MAGI1: variants seen among roughly 807,000 people sequenced by gnomAD.
MAGI1 encodes membrane-associated guanylate kinase, WW and PDZ domain-containing protein 1.
MAGI1 carries 58 observed loss-of-function variants against 139.9 expected under a neutral mutation model. That is an observed-to-expected ratio of 0.41 (90% CI 0.34 to 0.52). The LOEUF (loss-of-function observed/expected upper bound fraction) is 0.52. Among genes scored for constraint, MAGI1 ranks in the 20% least tolerant of loss-of-function variants. The pLI, the probability that MAGI1 is intolerant of heterozygous loss-of-function variation, is 0.12. For synonymous variants in MAGI1, 812 were observed against 737.9 expected (o/e 1.10, Z -1.63); for missense variants, 1,874 against 1,901.6 (o/e 0.99, Z 0.27).
chr3:65,737,346 C>T (rs957507455), intron 1 of MAGI1, among the ~76,000 whole-genome samples: 18 of 152,098 alleles, frequency 1.2e-4, no homozygotes, highest in East Asian at 3.9e-4. Context: ...GACAGATGGA[C>T]GGACGGGTGG....
chr3:65,672,596 G>T (rs1163396487), intron 1 of MAGI1, among the ~76,000 whole-genome samples: 47 of 152,220 alleles, frequency 3.1e-4, no homozygotes, highest in Non-Finnish European at 1.3e-4. Flanking sequence ...ATCCTTAAAA[G>T]GATACTGAAT....
rs977046307 is a variant in MAGI1 at position 65,354,880 on chromosome 3, TTTC to T, written c.*1495_*1497del. 2.0e-5 allele frequency: 3 copies of T among 152,370 alleles called. No individual in the cohort carries two copies. The highest frequency in any genetic ancestry group is 1.3e-4 in the Admixed American group (2 of 15,274). The allele number at this position is 152,370 out of a possible 1,614,324, so 9.4% of individuals were successfully genotyped here. A position where few individuals can be genotyped will look rare whatever the true frequency, so the allele number is the denominator to read the frequency against. On this transcript the variant is annotated 3_prime_UTR_variant, in exon 23 of 23. Coordinates refer to ENST00000402939, the MANE Select transcript of MAGI1 (RefSeq NM_001033057.2). Reference sequence around the variant, plus strand: ...TCTGTACACGCAATGATTGGCTGGTTTTCTTTTTTTTTTTCTTTTTCCTTTTTT... The same window carrying T: ...TCTGTACACGCAATGATTGGCTGGTTTTTTTTTTTTTCTTTTTCCTTTTTT...
At chr3:65,696,191 C>A (rs1030152080) in intron 1 of MAGI1, among the ~76,000 whole-genome samples, 1 of 152,178 alleles carries the variant, frequency 6.6e-6, no homozygotes, top group African/African-American at 2.4e-5. Flanking sequence ...CCCTAACTTT[C>A]TGCAGGTACC....
rs1057239043 is a variant in MAGI1, at chr3:65,780,707, T to C, written c.314-158619A>G. Among the ~76,000 whole-genome samples, 4 of 152,148 alleles carry C rather than the reference T, an allele frequency of 2.6e-5. No homozygotes were observed. In the East Asian group the frequency reaches 7.7e-4, roughly 29 times the overall value. ...AGCCCCCTATACAGTTTATGCTCATTTGCAGACTTGATTATAAAAAACGTA... is the reference window on the plus strand; with the variant it reads ...AGCCCCCTATACAGTTTATGCTCATCTGCAGACTTGATTATAAAAAACGTA... On this transcript the variant is annotated intron_variant, in intron 1 of 22. Coordinates refer to ENST00000402939, the MANE Select transcript of MAGI1 (RefSeq NM_001033057.2).
At chr3:65,668,562 CTTTTTTTTTTTT>C (rs58434479) in intron 1 of MAGI1, among the ~76,000 whole-genome samples, 5 of 79,892 alleles carry the variant, frequency 6.3e-5, no homozygotes, top group Admixed American at 3.3e-4. Context: ...CCTTTTTTTT[CTTTTTTTTTTTT>C]TTTTTTTTTT....
chr3:65,932,754 T>C (rs1247310539), intron 1 of MAGI1, among the ~76,000 whole-genome samples: 1 of 151,456 alleles, frequency 6.6e-6, no homozygotes, highest in African/African-American at 2.5e-5. Flanking sequence ...GAAAGAAACA[T>C]AATCAGAGGA....
intron 1 of MAGI1, among the ~76,000 whole-genome samples, chr3:65,732,851 G>C (rs1310008898): frequency 6.6e-6 from 1 of 152,156 alleles, no homozygotes; most frequent in Non-Finnish European, 1.5e-5. Flanking sequence ...AAAAAACTAT[G>C]ACTCTGATTC....
intron 1 of MAGI1, among the ~76,000 whole-genome samples, chr3:65,655,683 C>T (rs577479040): frequency 1.1e-4 from 16 of 152,318 alleles, no homozygotes; most frequent in South Asian, 8.3e-4. Flanking sequence ...ATCATTACCT[C>T]AGTCAGACAG....
intron 1 of MAGI1, among the ~76,000 whole-genome samples, chr3:65,885,743 G>A (rs954732552): frequency 2.0e-5 from 3 of 152,096 alleles, no homozygotes; most frequent in Admixed American, 6.6e-5. Flanking sequence ...TGATTATGAG[G>A]CCTCCCCACC....
At chr3:65,424,654 G>A (rs867137804) in intron 12 of MAGI1, among the ~76,000 whole-genome samples, 2 of 152,150 alleles carry the variant, frequency 1.3e-5, no homozygotes, top group Non-Finnish European at 2.9e-5. Flanking sequence ...AATGTAGAAT[G>A]TGGGAGCTGA....
chr3:65,990,332 A>C (rs1388388409), intron 1 of MAGI1, among the ~76,000 whole-genome samples: 2 of 152,218 alleles, frequency 1.3e-5, no homozygotes, highest in Non-Finnish European at 2.9e-5. Context: ...GAGGTTACTG[A>C]GGGAAGACCA....
At chr3:65,979,997 T>C (rs1322083898) in intron 1 of MAGI1, among the ~76,000 whole-genome samples, 2 of 152,176 alleles carry the variant, frequency 1.3e-5, no homozygotes, top group Admixed American at 6.5e-5. Flanking sequence ...GAAAAGCTGC[T>C]GAGCACATGG....
intron 1 of MAGI1, among the ~76,000 whole-genome samples, chr3:65,986,624 T>C (rs1207470255): frequency 6.6e-6 from 1 of 152,204 alleles, no homozygotes; most frequent in Non-Finnish European, 1.5e-5. Flanking sequence ...TGGTTCTGGC[T>C]CAGGTTGGGA....
chr3:65,758,730 G>A (rs1398655858), intron 1 of MAGI1, among the ~76,000 whole-genome samples: 2 of 151,860 alleles, frequency 1.3e-5, no homozygotes, highest in African/African-American at 4.8e-5. Flanking sequence ...AGAAGTATTC[G>A]GCCTCAAATA....
rs1245945362 is a variant in MAGI1, at chr3:65,391,163, T to A, written c.2395A>T (p.Arg799Trp). The A allele has an allele frequency of 1.2e-6, 2 of 1,614,112 alleles. No homozygotes were observed. Among genetic ancestry groups the A allele is most frequent in the Non-Finnish European group, 8.5e-7 (1 of 1,180,048 alleles). The part of the protein sequence containing the change: ...PDPFKIWAQS[R>W]SMYENRLPDY... Reference sequence around the variant, plus strand: ...TCACGTCGGTTTTCATACATGCTCCTGGACTGGGCCCAGATTTTAAAAGGA... The same window carrying A: ...TCACGTCGGTTTTCATACATGCTCCAGGACTGGGCCCAGATTTTAAAAGGA... Residue 799 changes from arginine (R) to tryptophan (W), a missense_variant, in exon 14 of 23, where the codon AGG becomes TGG. Arg to Trp is a moderately radical substitution (Grantham distance 101). Coordinates refer to ENST00000402939, the MANE Select transcript of MAGI1 (RefSeq NM_001033057.2).
intron 1 of MAGI1, among the ~76,000 whole-genome samples, chr3:65,805,905 G>C (rs1054935397): frequency 1.3e-5 from 2 of 152,138 alleles, no homozygotes; most frequent in African/African-American, 4.8e-5. Flanking sequence ...CATGGACACA[G>C]GGAGGGGAAT....
intron 3 of MAGI1, 58 bp from the exon 4 acceptor site, chr3:65,478,856 T>C: frequency 5.9e-6 from 8 of 1,344,624 alleles, no homozygotes; most frequent in Non-Finnish European, 8.5e-6. Context: ...TGTTTTTTTT[T>C]AAGACTTCAC....
chr3:65,503,727 C>T (rs2077172134), intron 2 of MAGI1, among the ~76,000 whole-genome samples: 1 of 152,126 alleles, frequency 6.6e-6, no homozygotes, highest in African/African-American at 2.4e-5. Context: ...GGCATTTATT[C>T]CATTGTACTG....
At chr3:65,895,364 A>T (rs1318287990) in intron 1 of MAGI1, among the ~76,000 whole-genome samples, 1 of 152,202 alleles carries the variant, frequency 6.6e-6, no homozygotes, top group Non-Finnish European at 1.5e-5. Context: ...ATTAAGGAAC[A>T]CAACATGTGA....
Sources: allele counts gnomAD v4.1 joint callset (sites outside exome capture counted in the v4.1 genomes callset), GRCh38; gene constraint gnomAD v4.1.1; transcripts MANE v1.5; gene names NCBI Gene and HGNC (gene_info 2026-07-23, HGNC 2026-07-21).